The following PDE4D variants were observed in gnomAD, a reference collection of about 807,000 sequenced individuals.
PDE4D encodes 3',5'-cyclic-AMP phosphodiesterase 4D.
In PDE4D, 24 loss-of-function variants were observed where a neutral mutation model predicts 87.4. That is an observed-to-expected ratio of 0.27 (90% CI 0.20 to 0.39). The LOEUF is 0.39. Among genes scored for constraint, PDE4D ranks in the 10% least tolerant of loss-of-function variants. The pLI, the probability that PDE4D is intolerant of heterozygous loss-of-function variation, is 1.00. For missense variants in PDE4D, 714 were observed against 1,041.0 expected (o/e 0.69, Z 4.32); for synonymous variants, 384 against 383.2 (o/e 1.00, Z -0.02).
intron 1 of PDE4D, among the ~76,000 whole-genome samples, chr5:59,694,670 G>A (rs1478474890): frequency 6.6e-6 from 1 of 152,136 alleles, no homozygotes; most frequent in Non-Finnish European, 1.5e-5. Context: ...CACATTCAGA[G>A]TCCCGCATAG....
intron 1 of PDE4D, among the ~76,000 whole-genome samples, chr5:59,589,332 G>C (rs1825610235): frequency 6.6e-6 from 1 of 152,130 alleles, no homozygotes. Flanking sequence ...AGGAGATTAA[G>C]ACATTTATTA....
intron 1 of PDE4D, among the ~76,000 whole-genome samples, chr5:60,297,959 C>T (rs937006361): frequency 1.3e-5 from 2 of 152,138 alleles, no homozygotes; most frequent in African/African-American, 4.8e-5. Flanking sequence ...TCAGCTGTGG[C>T]GTAGAATTTT....
At chr5:59,486,836 G>T (rs1176608954) in intron 1 of PDE4D, among the ~76,000 whole-genome samples, 1 of 152,126 alleles carries the variant, frequency 6.6e-6, no homozygotes, top group Non-Finnish European at 1.5e-5. Context: ...AAAATACTAG[G>T]TTTTTATTAA....
At chr5:59,108,629 C>T (rs765150130) in intron 5 of PDE4D, among the ~76,000 whole-genome samples, 15 of 152,254 alleles carry the variant, frequency 9.9e-5, no homozygotes, top group Admixed American at 4.6e-4. Context: ...TGCGGTGGCT[C>T]ACGCCCGTAG....
chr5:60,422,008 GAAAC>G (rs1475943787), intron 1 of PDE4D, among the ~76,000 whole-genome samples: 1 of 152,144 alleles, frequency 6.6e-6, no homozygotes, highest in Non-Finnish European at 1.5e-5. Flanking sequence ...AGAGTAAAAA[GAAAC>G]AAACAAAGCC....
chr5:59,435,208 C>T (rs1582589948), intron 1 of PDE4D, among the ~76,000 whole-genome samples: 2 of 152,216 alleles, frequency 1.3e-5, no homozygotes, highest in African/African-American at 2.4e-5. Flanking sequence ...CCAAGATTAT[C>T]TTAAAATGGA....
At chr5:59,597,348 A>G (rs1367985321) in intron 1 of PDE4D, among the ~76,000 whole-genome samples, 1 of 152,196 alleles carries the variant, frequency 6.6e-6, no homozygotes, top group Non-Finnish European at 1.5e-5. Context: ...GAGTGGCGTT[A>G]ACAATGTATC....
intron 1 of PDE4D, among the ~76,000 whole-genome samples, chr5:60,340,898 C>T (rs1349932305): frequency 6.6e-6 from 1 of 152,020 alleles, no homozygotes; most frequent in Non-Finnish European, 1.5e-5. Flanking sequence ...AAAATAATTT[C>T]CCAGTCTTCC....
At chr5:60,485,012 A>G (rs1187439790) in intron 1 of PDE4D, among the ~76,000 whole-genome samples, 2 of 152,172 alleles carry the variant, frequency 1.3e-5, no homozygotes, top group African/African-American at 4.8e-5. Flanking sequence ...TGACTCTAAG[A>G]TTAATTCACC....
intron 2 of PDE4D, among the ~76,000 whole-genome samples, chr5:60,129,974 C>T (rs1779429887): frequency 6.6e-6 from 1 of 152,096 alleles, no homozygotes; most frequent in South Asian, 2.1e-4. Flanking sequence ...GTGATTATAT[C>T]ATGAAGGAGG....
intron 1 of PDE4D, among the ~76,000 whole-genome samples, chr5:60,329,467 C>T (rs913926905): frequency 3.9e-5 from 6 of 152,194 alleles, no homozygotes; most frequent in African/African-American, 1.4e-4. Flanking sequence ...TTCCTTTATA[C>T]ATTACCCAGT....
upstream of PDE4D, among the ~76,000 whole-genome samples, chr5:59,898,252 C>CT (rs1209723782): frequency 1.3e-5 from 2 of 152,222 alleles, no homozygotes; most frequent in Non-Finnish European, 2.9e-5. Flanking sequence ...TACCATTCCA[C>CT]TTGTCAGCTC....
At chr5:60,359,898 C>T (rs1759917122) in intron 1 of PDE4D, among the ~76,000 whole-genome samples, 1 of 152,206 alleles carries the variant, frequency 6.6e-6, no homozygotes, top group African/African-American at 2.4e-5. Flanking sequence ...CCCAACATGA[C>T]ATGCTCCTTC....
In PDE4D at chr5:59,660,693, G is replaced by C. The variant is rs911876023; in HGVS notation, c.455+232475C>G. ...AAAAAGATGCCAAATTGAACTAAAA[G>C]GCTACTTTACAATTTTGACCTGTGG... On this transcript the variant is annotated intron_variant, in intron 1 of 14. Coordinates refer to ENST00000340635, the MANE Select transcript of PDE4D (RefSeq NM_001104631.2). 2.6e-5 allele frequency among the ~76,000 whole-genome samples: 4 copies of C among 152,054 alleles called. No individual in the cohort carries two copies. In the East Asian group the frequency reaches 7.7e-4, roughly 29 times the overall value.
intron 1 of PDE4D, among the ~76,000 whole-genome samples, chr5:60,493,192 T>C (rs2150237023): frequency 6.6e-6 from 1 of 152,264 alleles, no homozygotes; most frequent in Non-Finnish European, 1.5e-5. Flanking sequence ...GTAGACATGA[T>C]TCATATGATA....
At chr5:59,088,370 A>G (rs924256998) in intron 5 of PDE4D, among the ~76,000 whole-genome samples, 8 of 152,176 alleles carry the variant, frequency 5.3e-5, no homozygotes, top group African/African-American at 1.7e-4. Flanking sequence ...AATTAGTTCA[A>G]CCATTGTGGA....
At chr5:59,507,674 AAAAAAAAAAG>A (rs1809516525) in intron 1 of PDE4D, among the ~76,000 whole-genome samples, 1 of 94,506 alleles carries the variant, frequency 1.1e-5, no homozygotes, top group Non-Finnish European at 2.0e-5. Context: ...CAAAAAAAAA[AAAAAAAAAAG>A]AAAAGAAAAG....
intron 6 of PDE4D, among the ~76,000 whole-genome samples, chr5:59,023,089 T>C (rs1307767146): frequency 1.3e-5 from 2 of 151,470 alleles, no homozygotes; most frequent in Non-Finnish European, 2.9e-5. Context: ...GCAGGAGAAT[T>C]GCTTGAACCT....
At chr5:60,173,891 A>G (rs1379187529) in intron 2 of PDE4D, among the ~76,000 whole-genome samples, 4 of 152,156 alleles carry the variant, frequency 2.6e-5, no homozygotes, top group Admixed American at 1.3e-4. Context: ...TACATGCAGT[A>G]ACACTTGTTG....
Sources: gnomAD v4.1 joint callset for allele counts (sites outside exome capture counted in the v4.1 genomes callset) on GRCh38, gnomAD v4.1.1 for gene constraint, MANE v1.5 for transcripts, NCBI Gene and HGNC (gene_info 2026-07-23, HGNC 2026-07-21) for gene names.